Variants in SIK3 observed in about 807,000 individuals in gnomAD.
SIK3 encodes the protein serine/threonine-protein kinase SIK3.
In SIK3, 28 loss-of-function variants were observed where a neutral mutation model predicts 144.2. The ratio of observed to expected loss-of-function variants is 0.19; its 90% CI spans 0.14 to 0.27. The LOEUF (loss-of-function observed/expected upper bound fraction) is 0.27, where lower values mean the gene tolerates loss of function less well. Ranked by LOEUF, SIK3 falls within the 10% of genes least tolerant of loss-of-function variation. The pLI is 1.00. For synonymous variants in SIK3, 686 were observed against 676.3 expected, an observed-to-expected ratio of 1.01 and a Z score of -0.22; for missense variants, 1,319 against 1,776.0, an observed-to-expected ratio of 0.74 and a Z score of 4.62.
At chr11:116,847,420 G>A in intron 23 of SIK3, 56 bp downstream of exon 23, 2 of 1,609,422 alleles carry the variant, frequency 1.2e-6, no homozygotes, top group South Asian at 2.2e-5. Flanking sequence ...TACGGAAGAT[G>A]GAGGGAGGCC....
chr11:116,947,846 G>T (rs938684410), intron 3 of SIK3, among the ~76,000 whole-genome samples: 3 of 151,914 alleles, frequency 2.0e-5, no homozygotes, highest in Non-Finnish European at 2.9e-5. Context: ...TTACAGGCAT[G>T]AGCCACCGTG....
At chr11:117,035,483 C>T (rs553679831) in intron 1 of SIK3, among the ~76,000 whole-genome samples, 71 of 152,302 alleles carry the variant, frequency 4.7e-4, no homozygotes, top group African/African-American at 1.6e-3. Context: ...AAAGCTTTGG[C>T]TATCCCCCAT....
chr11:116,859,657 A>G, intron 19 of SIK3, 53 bp from the exon 20 acceptor site: 2 of 1,459,418 alleles, frequency 1.4e-6, no homozygotes, highest in Non-Finnish European at 1.9e-6. Flanking sequence ...CCAGCCAGCC[A>G]GAAGTAATGA....
chr11:116,861,242 A>G (rs2134422190), intron 19 of SIK3, 32 bp downstream of exon 19: 3 of 1,470,068 alleles, frequency 2.0e-6, no homozygotes, highest in Non-Finnish European at 2.8e-6. Flanking sequence ...GTGGCATAAA[A>G]TGAACTGTTT....
At chr11:116,847,806 G>T (rs776993832) in intron 22 of SIK3, among the ~76,000 whole-genome samples, 198 bp from the exon 23 acceptor site, 6 of 152,156 alleles carry the variant, frequency 3.9e-5, no homozygotes, top group Non-Finnish European at 7.4e-5. Flanking sequence ...CTGCCCAGTG[G>T]GGGGGCTGAG....
chr11:116,978,797 TG>T lies in SIK3; in HGVS notation c.274-21734del, dbSNP rs1348970798. On this transcript the variant is annotated intron_variant, in intron 1 of 24. Coordinates refer to ENST00000445177, the MANE Select transcript of SIK3 (RefSeq NM_001366686.3). ...TGCTGGGATTACAGGCCTGTACCACTGCACCCACCCCGTATTTATTATTTCT... is the reference window on the plus strand; with the variant it reads ...TGCTGGGATTACAGGCCTGTACCACTCACCCACCCCGTATTTATTATTTCT... Among the ~76,000 whole-genome samples, 22 of 152,128 alleles carry T rather than the reference TG, an allele frequency of 1.4e-4. No individual in the cohort carries two copies. The East Asian group carries it at 4.2e-3, about 29-fold the overall frequency.
At chr11:116,982,726 C>T (rs1054884626) in intron 1 of SIK3, among the ~76,000 whole-genome samples, 22 of 151,274 alleles carry the variant, frequency 1.5e-4, no homozygotes, top group African/African-American at 5.1e-4. Flanking sequence ...GAGGTTGAGG[C>T]GGGCAGATCA....
intron 1 of SIK3, among the ~76,000 whole-genome samples, chr11:117,073,834 T>A (rs1954385017): frequency 6.6e-6 from 1 of 152,224 alleles, no homozygotes; most frequent in African/African-American, 2.4e-5. Flanking sequence ...TACAGTTATC[T>A]CCTTACCATT....
At chr11:117,031,137 C>T (rs78787201) in intron 1 of SIK3, among the ~76,000 whole-genome samples, 6,908 of 152,196 alleles carry the variant, frequency 0.045, 522 homozygotes, top group African/African-American at 0.16. Context: ...CTTTAGCAGA[C>T]CAAAATGTTT....
intron 1 of SIK3, among the ~76,000 whole-genome samples, chr11:116,967,414 A>C (rs12281729): frequency 0.073 from 11,074 of 152,298 alleles, 497 homozygotes; most frequent in Middle Eastern, 0.11. Flanking sequence ...CTAACCTTAC[A>C]ATGGTAGTGC....
chr11:117,080,594 T>C (rs183676799), intron 1 of SIK3, among the ~76,000 whole-genome samples: 6 of 152,276 alleles, frequency 3.9e-5, no homozygotes, highest in East Asian at 3.9e-4. Flanking sequence ...AAAAAACCAC[T>C]AGCACAAGTG....
rs1479592023 is a variant in SIK3, at chr11:116,873,512, C to T, written c.1706G>A (p.Arg569Gln). 5.4e-5 allele frequency: 87 copies of T among 1,613,766 alleles called. No individual in the cohort carries two copies. Among genetic ancestry groups the T allele is most frequent in the Non-Finnish European group, 7.0e-5 (83 of 1,179,938 alleles). Residue 569 changes from arginine (R) to glutamine (Q), a missense_variant, in exon 13 of 25, where the codon CGG becomes CAG. By Grantham distance (43) the Arg-to-Gln change is conservative. Transcript: ENST00000445177. Reference protein sequence around the residue: ...LHAQQLLKRPRGPSPLVTMTP... With the variant: ...LHAQQLLKRPQGPSPLVTMTP... ...CATGGTGACAAGCGGAGAGGGTCCC[C>T]GTGGGCGCTTCAGCAGCTGCTGGGC...
intron 1 of SIK3, among the ~76,000 whole-genome samples, chr11:117,085,910 G>A (rs964693222): frequency 6.6e-6 from 1 of 152,146 alleles, no homozygotes; most frequent in Admixed American, 6.5e-5. Flanking sequence ...CCGAGATCAT[G>A]CCACTGCACT....
At chr11:116,872,717 C>T (rs1241869801) in intron 13 of SIK3, among the ~76,000 whole-genome samples, 1 of 152,208 alleles carries the variant, frequency 6.6e-6, no homozygotes, top group Admixed American at 6.5e-5. Flanking sequence ...TAAATTTTCA[C>T]TGTTCTAATG....
At chr11:117,005,898 T>C (rs2135644114) in intron 1 of SIK3, among the ~76,000 whole-genome samples, 1 of 152,242 alleles carries the variant, frequency 6.6e-6, no homozygotes, top group South Asian at 2.1e-4. Flanking sequence ...CTGCAGTTAT[T>C]AGTGAACAGA....
intron 1 of SIK3, among the ~76,000 whole-genome samples, chr11:117,038,825 A>AT (rs1373658190): frequency 1.3e-5 from 2 of 151,696 alleles, no homozygotes; most frequent in Non-Finnish European, 2.9e-5. Flanking sequence ...GGAGGCGGGC[A>AT]TATCATCTGA....
rs553318992 is a variant in SIK3, at chr11:116,846,258, C to T, written c.*13+125G>A. The T allele has an allele frequency of 1.8e-5, 17 of 953,416 alleles. No individual in the cohort carries two copies. Among genetic ancestry groups the T allele is most frequent in the African/African-American group, 4.9e-5 (3 of 60,868 alleles). The allele number at this position is 953,416 out of a possible 1,614,324, so 59.1% of individuals were successfully genotyped here. A position where few individuals can be genotyped will look rare whatever the true frequency, so the allele number is the denominator to read the frequency against. On this transcript the variant is annotated intron_variant, in intron 24 of 24. Transcript: ENST00000445177. This position sits in a 1 kb window ranked among gnomAD's most constrained non-coding sequence, Gnocchi z 4.1. ...GAAAAGCAAGAAACTGTGAAGGCCA[C>T]GAGGGGAGGCGTGGTACTGTCGACT...
intron 1 of SIK3, among the ~76,000 whole-genome samples, chr11:117,020,236 C>CCT (rs1951709156): frequency 8.2e-6 from 1 of 122,242 alleles, no homozygotes; most frequent in African/African-American, 3.7e-5. Context: ...TGTATATGTG[C>CCT]ATATATATAT....
chr11:117,086,152 C>T (rs1295058805), intron 1 of SIK3, among the ~76,000 whole-genome samples: 1 of 152,152 alleles, frequency 6.6e-6, no homozygotes, highest in Non-Finnish European at 1.5e-5. Context: ...CATAACCCCA[C>T]AACATACTAA....
Sources: gnomAD v4.1 joint callset for allele counts (sites outside exome capture counted in the v4.1 genomes callset) on GRCh38, gnomAD v4.1.1 for gene constraint, Gnocchi (gnomAD v3.1) non-coding constraint, MANE v1.5 for transcripts, NCBI Gene and HGNC (gene_info 2026-07-23, HGNC 2026-07-21) for gene names.